Variants in PITPNM2 observed in about 807,000 individuals in gnomAD.
PITPNM2 encodes the protein membrane-associated phosphatidylinositol transfer protein 2.
A neutral mutation model predicts 132.2 loss-of-function variants in PITPNM2; 35 were observed. The ratio of observed to expected loss-of-function variants is 0.26; its 90% confidence interval spans 0.20 to 0.35. PITPNM2 has a LOEUF of 0.35. Ranked by LOEUF, PITPNM2 falls within the 10% of genes least tolerant of loss-of-function variation. The probability of loss-of-function intolerance (pLI) is 1.00; values close to 1 mark genes in which losing one functional copy is unlikely to be tolerated. For missense variants in PITPNM2, 1,332 were observed against 1,912.0 expected, an observed-to-expected ratio of 0.70 and a Z score of 5.66; for synonymous variants, 738 against 799.2, an observed-to-expected ratio of 0.92 and a Z score of 1.29.
At chr12:123,118,685 G>A (rs990748278) in intron 1 of PITPNM2, among the ~76,000 whole-genome samples, 2 of 152,230 alleles carry the variant, frequency 1.3e-5, no homozygotes, top group African/African-American at 4.8e-5. Context: ...AAGCTAGCCT[G>A]GAAAGCTGTC....
intron 2 of PITPNM2, among the ~76,000 whole-genome samples, chr12:123,074,600 C>T (rs1256480029): frequency 1.3e-5 from 2 of 151,952 alleles, no homozygotes; most frequent in Admixed American, 6.6e-5. Context: ...CTCACATAGA[C>T]ACACACATGC....
intron 1 of PITPNM2, among the ~76,000 whole-genome samples, chr12:123,142,751 G>C (rs1456311714): frequency 6.6e-6 from 1 of 152,154 alleles, no homozygotes; most frequent in Non-Finnish European, 1.5e-5. Flanking sequence ...CCTGCTGATT[G>C]AATGTTCCCC....
At chr12:123,038,489 G>A (rs181347549) in intron 2 of PITPNM2, among the ~76,000 whole-genome samples, 1 of 152,290 alleles carries the variant, frequency 6.6e-6, no homozygotes, top group East Asian at 1.9e-4. Context: ...CTGACTTCTG[G>A]AGTTACCATG....
At chr12:123,086,711 T>C (rs1354674852) in intron 2 of PITPNM2, among the ~76,000 whole-genome samples, 1 of 152,170 alleles carries the variant, frequency 6.6e-6, no homozygotes. Context: ...CAAATTCTAG[T>C]CATCTGGCTC....
chr12:123,050,331 C>T (rs1359798109), intron 2 of PITPNM2, among the ~76,000 whole-genome samples: 2 of 152,180 alleles, frequency 1.3e-5, no homozygotes, highest in Non-Finnish European at 2.9e-5. Flanking sequence ...CACTCTGCCA[C>T]AACAATCTCG....
At chr12:123,123,710 G>A (rs2043076521) in intron 1 of PITPNM2, among the ~76,000 whole-genome samples, 1 of 151,938 alleles carries the variant, frequency 6.6e-6, no homozygotes, top group South Asian at 2.1e-4. Context: ...TGAGACAGGT[G>A]GATCAATTGA....
chr12:123,112,366 A>C (rs2042855875), intron 1 of PITPNM2, among the ~76,000 whole-genome samples: 1 of 152,124 alleles, frequency 6.6e-6, no homozygotes, highest in Non-Finnish European at 1.5e-5. Flanking sequence ...AGTCACAATA[A>C]AACACAATTC....
intron 2 of PITPNM2, among the ~76,000 whole-genome samples, chr12:123,062,253 A>T (rs1446984306): frequency 1.3e-5 from 2 of 152,180 alleles, no homozygotes; most frequent in Non-Finnish European, 2.9e-5. Context: ...CCGTCCTTAG[A>T]TCTGATACTT....
At chr12:122,988,210 C>A in intron 20 of PITPNM2, 24 bp downstream of exon 20, 2 of 1,597,492 alleles carry the variant, frequency 1.3e-6, no homozygotes, top group Non-Finnish European at 1.7e-6. Flanking sequence ...ATCGTGGGGG[C>A]CTGGGCGCCC....
At chr12:123,131,868 G>A (rs1464127036) in intron 1 of PITPNM2, among the ~76,000 whole-genome samples, 4 of 152,238 alleles carry the variant, frequency 2.6e-5, no homozygotes, top group Non-Finnish European at 4.4e-5. Context: ...ACTGTGCTAG[G>A]CCCTTTCACA....
chr12:123,059,719 T>C (rs1199830308), intron 2 of PITPNM2, among the ~76,000 whole-genome samples: 1 of 151,994 alleles, frequency 6.6e-6, no homozygotes, highest in Admixed American at 6.6e-5. Flanking sequence ...GGGCCCAGAG[T>C]CTGGTGTATG....
chr12:123,125,939 G>A (rs1214771674), intron 1 of PITPNM2, among the ~76,000 whole-genome samples: 10 of 113,526 alleles, frequency 8.8e-5, no homozygotes, highest in African/African-American at 3.3e-4. Flanking sequence ...GCGTGATCTC[G>A]GCTCACTGCA....
intron 2 of PITPNM2, among the ~76,000 whole-genome samples, chr12:123,052,077 G>GTTTTTT (rs10606016): frequency 4.1e-4 from 41 of 100,598 alleles, no homozygotes; most frequent in African/African-American, 8.4e-4. Flanking sequence ...TAATTTTATT[G>GTTTTTT]TTTTTTTTTT....
chr12:123,139,883 C>T (rs969712935), intron 1 of PITPNM2, among the ~76,000 whole-genome samples: 24 of 152,172 alleles, frequency 1.6e-4, no homozygotes, highest in African/African-American at 5.3e-4. Flanking sequence ...TATTATCACC[C>T]CTTCCCCACA....
At chr12:123,017,898 A>G (rs1386240488) in intron 3 of PITPNM2, among the ~76,000 whole-genome samples, 1 of 152,120 alleles carries the variant, frequency 6.6e-6, no homozygotes, top group Non-Finnish European at 1.5e-5. Flanking sequence ...TAATGGGCGC[A>G]GGGCCCTCCC....
intron 1 of PITPNM2, 132 bp from the exon 2 acceptor site, chr12:123,110,620 C>G (rs2042816186): frequency 6.6e-6 from 1 of 152,306 alleles, no homozygotes; most frequent in Non-Finnish European, 1.5e-5. Flanking sequence ...CTAAAGGTGT[C>G]TCCATTTTAC....
At chr12:123,102,624 T>C (rs2042589074) in intron 2 of PITPNM2, among the ~76,000 whole-genome samples, 1 of 152,222 alleles carries the variant, frequency 6.6e-6, no homozygotes, top group Non-Finnish European at 1.5e-5. Context: ...CAACTGATTC[T>C]TCCCATGCTG....
In PITPNM2 at chr12:123,041,085, A is replaced by T. The variant is rs541661101; in HGVS notation, c.-95-6400T>A. ...TGATTAAAATAAAACAATCAGCTAG[A>T]CCTTCTGCCACCTGTTAGCTGTGAC... On this transcript the variant is annotated intron_variant, in intron 2 of 25. Transcript: ENST00000320201. 9.8e-5 allele frequency among the ~76,000 whole-genome samples: 15 copies of T among 152,296 alleles called. No homozygotes were observed. In the South Asian group the frequency reaches 3.1e-3, roughly 32 times the overall value.
At chr12:123,033,391 G>C (rs2040159852) in intron 3 of PITPNM2, among the ~76,000 whole-genome samples, 1 of 152,218 alleles carries the variant, frequency 6.6e-6, no homozygotes, top group South Asian at 2.1e-4. Flanking sequence ...GCAGCAAGTG[G>C]GAGCAGTGGT....
Sources: allele counts gnomAD v4.1 joint callset (sites outside exome capture counted in the v4.1 genomes callset), GRCh38; gene constraint gnomAD v4.1.1; transcripts MANE v1.5; gene names NCBI Gene and HGNC (gene_info 2026-07-23, HGNC 2026-07-21).